Variants in PUS10 observed in about 807,000 individuals in gnomAD.
PUS10 encodes pseudouridine synthase 10.
In PUS10, 59 loss-of-function variants were observed where a neutral mutation model predicts 75.0. The observed-to-expected ratio is 0.79, with a 90% confidence interval of 0.64 to 0.98. PUS10 has a LOEUF of 0.98. Ranked by LOEUF, PUS10 falls within the 50% of genes least tolerant of loss-of-function variation. The probability of loss-of-function intolerance (pLI) is 0.00; values close to 1 mark genes in which losing one functional copy is unlikely to be tolerated. For missense variants in PUS10, 650 were observed against 614.4 expected (o/e 1.06, Z -0.61); for synonymous variants, 219 against 211.6 (o/e 1.03, Z -0.30).
intron 5 of PUS10, among the ~76,000 whole-genome samples, chr2:60,968,653 A>T (rs1676485273): frequency 6.7e-6 from 1 of 149,320 alleles, no homozygotes; most frequent in South Asian, 2.1e-4. Flanking sequence ...TCCTCTAAAA[A>T]TGCAAAATAA....
rs1480144281 is a variant in PUS10 at position 60,948,055 on chromosome 2, G to C, written c.1439C>G (p.Thr480Ser). ...DEHHFRLHLKTQAGTYIKEFV... is the reference protein window; with the variant it reads ...DEHHFRLHLKSQAGTYIKEFV... ...GGTGGAAGGATACGTGCCAGCCTGA[G>C]TTTTCAAGTGGAGGCGGAAGTGGTG... Residue 480 changes from threonine (T) to serine (S), a missense_variant, in exon 16 of 18, where the codon ACT becomes AGT. Transcript: ENST00000316752. 6.2e-7 allele frequency: 1 copy of C among 1,614,126 alleles called. No individual in the cohort carries two copies. The highest frequency in any genetic ancestry group is 8.5e-7 in the Non-Finnish European group (1 of 1,180,026).
At chr2:60,955,854 G>A (rs1675616131) in intron 11 of PUS10, among the ~76,000 whole-genome samples, 1 of 151,972 alleles carries the variant, frequency 6.6e-6, no homozygotes, top group African/African-American at 2.4e-5. Context: ...AGCGTATGGT[G>A]AAAACTCTAT....
intron 4 of PUS10, among the ~76,000 whole-genome samples, chr2:61,004,093 G>A (rs1003416782): frequency 2.6e-5 from 4 of 152,136 alleles, no homozygotes; most frequent in Non-Finnish European, 5.9e-5. Context: ...AACAGACAAA[G>A]AAGTTCTAAG....
chr2:60,991,143 T>C (rs1678048461), intron 4 of PUS10, among the ~76,000 whole-genome samples: 1 of 152,022 alleles, frequency 6.6e-6, no homozygotes, highest in Non-Finnish European at 1.5e-5. Flanking sequence ...TCTCCTAAAA[T>C]GCTGGGATTA....
chr2:60,979,437 G>T (rs1677246291), intron 4 of PUS10, among the ~76,000 whole-genome samples: 1 of 151,986 alleles, frequency 6.6e-6, no homozygotes, highest in South Asian at 2.1e-4. Context: ...AGGCGTGGTG[G>T]CAAAAAAGAG....
intron 5 of PUS10, among the ~76,000 whole-genome samples, chr2:60,970,083 TA>T (rs967260766): frequency 5.7e-4 from 82 of 143,308 alleles, no homozygotes; most frequent in Middle Eastern, 3.5e-3. Flanking sequence ...AAACTACGTT[TA>T]AAAAAAAAAA....
rs201158366 is a variant in PUS10 at position 60,956,810 on chromosome 2, TA to T, written c.1001-1737del. On this transcript the variant is annotated intron_variant, in intron 11 of 17. Transcript: ENST00000316752. ...CTAACTTGGTGAAACCTGTCTCTAC[TA>T]AAAATACAAAAAAATTAGCTGGGTG... 7.6e-3 allele frequency among the ~76,000 whole-genome samples: 1,151 copies of T among 151,256 alleles called. 15 individuals carry two copies. The highest frequency in any genetic ancestry group is 0.027 in the African/African-American group (1,111 of 41,226).
intron 14 of PUS10, among the ~76,000 whole-genome samples, 194 bp from the exon 15 acceptor site, chr2:60,953,308 C>T (rs756345194): frequency 6.6e-6 from 1 of 152,176 alleles, no homozygotes; most frequent in Non-Finnish European, 1.5e-5. Context: ...TTTCATCACC[C>T]TGAAAAAGAA....
At chr2:60,985,533 C>A (rs1035236966) in intron 4 of PUS10, among the ~76,000 whole-genome samples, 5 of 151,932 alleles carry the variant, frequency 3.3e-5, no homozygotes, top group African/African-American at 1.2e-4. Flanking sequence ...CAGGATCTCA[C>A]TGTGTTGCTC....
chr2:60,988,465 A>G (rs1374229379), intron 4 of PUS10, among the ~76,000 whole-genome samples: 2 of 152,256 alleles, frequency 1.3e-5, no homozygotes, highest in Non-Finnish European at 1.5e-5. Flanking sequence ...AGATGAAAAA[A>G]AAACAATATA....
At chr2:61,010,702 T>C (rs1197832050) in intron 2 of PUS10, 5 of 1,421,494 alleles carry the variant, frequency 3.5e-6, no homozygotes, top group African/African-American at 1.4e-5. Context: ...GGTATTATCA[T>C]CATTCCCATT....
In PUS10 at chr2:60,952,999, TTA is replaced by T. The variant is rs1219279714; in HGVS notation, c.1304_1305del (p.Ile435LysfsTer36). The T allele has an allele frequency of 2.8e-6, 4 of 1,443,076 alleles. No individual in the cohort carries two copies. The Admixed American group carries it at 6.8e-5, about 24-fold the overall frequency. The allele number at this position is 1,443,076 out of a possible 1,614,324, so 89.4% of individuals were successfully genotyped here. A position where few individuals can be genotyped will look rare whatever the true frequency, so the allele number is the denominator to read the frequency against. On this transcript the variant is annotated frameshift_variant, in exon 15 of 18. Coordinates refer to ENST00000316752, the MANE Select transcript of PUS10 (RefSeq NM_144709.4). LOFTEE classifies it high-confidence loss of function. ...QKKDIEFLNDIKDLKIDQKTP... is the reference protein window; with the variant it reads ...QKKDIEFLNDXKDLKIDQKTP... The stretch of plus-strand genomic sequence containing the variant: ...AAGAATAAGCACACTTAAACTACCT[TTA>T]TGTCATTTAGGAATTCAATGTCTTT...
In PUS10 at chr2:60,965,083, C is replaced by T; in HGVS notation, c.698G>A (p.Cys233Tyr). Residue 233 changes from cysteine to tyrosine, a missense_variant, in exon 8 of 18, where the codon TGT (cysteine) becomes TAT (tyrosine). By Grantham distance (194) the Cys-to-Tyr change is radical. Transcript: ENST00000316752. ...CHFLAAICPDCFKPAKNKQSV... is the reference protein window; with the variant it reads ...CHFLAAICPDYFKPAKNKQSV... ...CTGTTTGTTTTTGGCTGGCTTAAAACAATCTGGGCATATCGCAGCTCTAAA... is the reference window on the plus strand; with the variant it reads ...CTGTTTGTTTTTGGCTGGCTTAAAATAATCTGGGCATATCGCAGCTCTAAA... The T allele has an allele frequency of 6.2e-7, 1 of 1,613,680 alleles. No homozygotes were observed. The highest frequency in any genetic ancestry group is 1.3e-5 in the African/African-American group (1 of 75,004).
chr2:60,967,619 TA>T lies in PUS10; in HGVS notation c.504-7del. 1 of 1,572,126 alleles carries T rather than the reference TA, an allele frequency of 6.4e-7. No individual in the cohort carries two copies. The highest frequency in any genetic ancestry group is 2.3e-5 in the East Asian group (1 of 44,358). On this transcript the variant is annotated splice_region_variant and splice_polypyrimidine_tract_variant and intron_variant, in intron 5 of 17. Transcript: ENST00000316752. ...CCAGCGACAGACTCTGCTTTCTGAATAACATAAAAATTAATTCACTGACATG... is the reference window on the plus strand; with the variant it reads ...CCAGCGACAGACTCTGCTTTCTGAATACATAAAAATTAATTCACTGACATG...
intron 4 of PUS10, among the ~76,000 whole-genome samples, chr2:60,971,865 C>CTTTT (rs756222357): frequency 1.0e-3 from 103 of 99,576 alleles, no homozygotes; most frequent in East Asian, 1.3e-3. Flanking sequence ...TCTTTCTTCT[C>CTTTT]TTTTTTTTTT....
chr2:60,960,489 T>C lies in PUS10; in HGVS notation c.903A>G (p.Leu301=), dbSNP rs369069906. The part of the protein sequence containing the change: ...AGRYNKYSRN[L]PQTPWIIDGE... ...CATCAATTATCCAAGGAGTTTGTGG[T>C]AGATTCCTGGAGTATTTATTATATC... Residue 301 remains leucine (L), a synonymous_variant, in exon 11 of 18, where the codon CTA becomes CTG. Transcript: ENST00000316752. 1.7e-5 allele frequency: 26 copies of C among 1,574,772 alleles called. No homozygotes were observed. The highest frequency in any genetic ancestry group is 2.2e-5 in the Non-Finnish European group (26 of 1,165,476).
rs183272999 is a variant in PUS10 at position 60,952,545 on chromosome 2, A to C, written c.1308+452T>G. Among the ~76,000 whole-genome samples the C allele has an allele frequency of 5.2e-3, 790 of 152,290 alleles. 3 individuals are homozygous for C. The highest frequency in any genetic ancestry group is 0.014 in the Middle Eastern group (4 of 294). ...AATCTCAGCATCAGTTCTATTAGAT[A>C]AGTGCTATTTTATATTTATTTTTGA... On this transcript the variant is annotated intron_variant, in intron 15 of 17. Coordinates refer to ENST00000316752, the MANE Select transcript of PUS10 (RefSeq NM_144709.4).
chr2:60,992,314 C>A (rs903861147), intron 4 of PUS10, among the ~76,000 whole-genome samples: 1 of 152,074 alleles, frequency 6.6e-6, no homozygotes, highest in Non-Finnish European at 1.5e-5. Flanking sequence ...CTATACGCAG[C>A]CAGAAGTACC....
At chr2:61,016,876 G>A (rs906162961) in intron 1 of PUS10, among the ~76,000 whole-genome samples, 2 of 152,136 alleles carry the variant, frequency 1.3e-5, no homozygotes, top group Admixed American at 1.3e-4. Flanking sequence ...GGGGCTGGGG[G>A]TGTGGATTTA....
Sources: allele counts gnomAD v4.1 joint callset (sites outside exome capture counted in the v4.1 genomes callset), GRCh38; gene constraint gnomAD v4.1.1; transcripts MANE v1.5; gene names NCBI Gene and HGNC (gene_info 2026-07-23, HGNC 2026-07-21).